Variants in CCDC73 observed in about 807,000 individuals in gnomAD.
CCDC73 encodes coiled-coil domain containing 73.
A neutral mutation model predicts 116.5 loss-of-function variants in CCDC73; 95 were observed. The ratio of observed to expected loss-of-function variants is 0.82; its 90% CI spans 0.69 to 0.97. The LOEUF is 0.97. CCDC73 is among the 50% of genes least tolerant of loss of function. CCDC73 has a pLI of 0.00. For synonymous variants in CCDC73, 398 were observed against 401.3 expected, an observed-to-expected ratio of 0.99 and a Z score of 0.10; for missense variants, 1,066 against 1,206.8, an observed-to-expected ratio of 0.88 and a Z score of 1.73.
chr11:32,608,978 C>T (rs1273987403), intron 17 of CCDC73, among the ~76,000 whole-genome samples: 7 of 152,088 alleles, frequency 4.6e-5, no homozygotes, highest in South Asian at 4.1e-4. Flanking sequence ...GCACACAGCA[C>T]GGGGACCCTG....
intron 9 of CCDC73, among the ~76,000 whole-genome samples, chr11:32,670,847 G>A (rs532855399): frequency 2.6e-5 from 4 of 152,190 alleles, no homozygotes; most frequent in South Asian, 2.1e-4. Context: ...ATAGGGAGGC[G>A]GGGAGGAGAA....
At chr11:32,740,680 G>A (rs1367809760) in intron 2 of CCDC73, among the ~76,000 whole-genome samples, 1 of 151,500 alleles carries the variant, frequency 6.6e-6, no homozygotes, top group African/African-American at 2.4e-5. Context: ...ATTTATTTCT[G>A]CTCTGATCTT....
rs138497255 is a variant in CCDC73, at chr11:32,722,258, A to G, written c.136-4111T>C. On this transcript the variant is annotated intron_variant, in intron 2 of 17. Transcript: ENST00000335185. ...ATTTTAGGCATTAACGACAAGTCAG[A>G]GAACATCTTGCAGTAGAAAAAGTGT... Among the ~76,000 whole-genome samples the G allele has an allele frequency of 1.7e-3, 259 of 152,336 alleles. 2 individuals carry two copies. The highest frequency in any genetic ancestry group is 6.0e-3 in the African/African-American group (249 of 41,588).
At chr11:32,787,949 C>G (rs1850642174) in intron 1 of CCDC73, among the ~76,000 whole-genome samples, 1 of 152,034 alleles carries the variant, frequency 6.6e-6, no homozygotes, top group Non-Finnish European at 1.5e-5. Context: ...AAGTAAAGAA[C>G]TGAAAGATCT....
chr11:32,693,101 AT>A (rs1291063774), intron 6 of CCDC73, among the ~76,000 whole-genome samples: 1 of 152,234 alleles, frequency 6.6e-6, no homozygotes, highest in African/African-American at 2.4e-5. Context: ...CTGTGTTGGA[AT>A]TCAGTAAGTA....
chr11:32,799,227 G>T (rs569127044), upstream of CCDC73, among the ~76,000 whole-genome samples: 1 of 151,984 alleles, frequency 6.6e-6, no homozygotes, highest in Non-Finnish European at 1.5e-5. Context: ...GAGTAGCTGG[G>T]ATTACAGGCC....
chr11:32,712,662 T>A (rs1183298758), intron 3 of CCDC73, among the ~76,000 whole-genome samples: 1 of 152,022 alleles, frequency 6.6e-6, no homozygotes, highest in African/African-American at 2.4e-5. Context: ...ACAATAATAC[T>A]ATTTGACAAT....
the CCDC73 span, among the ~76,000 whole-genome samples, chr11:32,802,368 A>T: frequency 6.6e-6 from 1 of 152,236 alleles, no homozygotes; most frequent in Non-Finnish European, 1.5e-5. Context: ...AATCTTAGTG[A>T]ATCAAAAATG....
At chr11:32,748,281 A>AT (rs1565092182) in intron 2 of CCDC73, among the ~76,000 whole-genome samples, 1 of 145,554 alleles carries the variant, frequency 6.9e-6, no homozygotes, top group Non-Finnish European at 1.5e-5. Flanking sequence ...CTTGCTTTTT[A>AT]TTTTTGTGCA....
At chr11:32,660,808 C>T (rs1222746762) in intron 9 of CCDC73, among the ~76,000 whole-genome samples, 1 of 152,004 alleles carries the variant, frequency 6.6e-6, no homozygotes, top group Non-Finnish European at 1.5e-5. Flanking sequence ...CCCTGGGCAA[C>T]AGAGTGAGAC....
At chr11:32,640,336 T>C (rs1227700112) in intron 13 of CCDC73, among the ~76,000 whole-genome samples, 2 of 152,176 alleles carry the variant, frequency 1.3e-5, no homozygotes, top group African/African-American at 4.8e-5. Flanking sequence ...TTTTTTTTCT[T>C]GAGAGAGGAG....
upstream of CCDC73, among the ~76,000 whole-genome samples, chr11:32,799,612 T>C (rs1382091359): frequency 1.3e-5 from 2 of 152,188 alleles, no homozygotes; most frequent in Admixed American, 6.5e-5. Flanking sequence ...TGAAAGTATG[T>C]CATTTTTACT....
the CCDC73 span, among the ~76,000 whole-genome samples, chr11:32,824,988 G>C: frequency 6.6e-6 from 1 of 152,220 alleles, no homozygotes; most frequent in African/African-American, 2.4e-5. Context: ...TGAAGGCTGA[G>C]GCAGAAGGAT....
At chr11:32,691,008 T>C (rs1856252525) in intron 6 of CCDC73, among the ~76,000 whole-genome samples, 1 of 151,984 alleles carries the variant, frequency 6.6e-6, no homozygotes, top group Admixed American at 6.6e-5. Context: ...TTCTGTACTC[T>C]GTCTTTTTAT....
intron 2 of CCDC73, among the ~76,000 whole-genome samples, chr11:32,742,754 GC>G (rs1476353860): frequency 3.3e-5 from 5 of 152,128 alleles, no homozygotes; most frequent in Non-Finnish European, 7.4e-5. Context: ...GAATGGTATT[GC>G]CCAGGTTTTC....
intron 9 of CCDC73, among the ~76,000 whole-genome samples, chr11:32,662,679 C>T (rs1157144197): frequency 6.6e-6 from 1 of 152,112 alleles, no homozygotes. Flanking sequence ...TGCGCAGAAG[C>T]TCTTTAGTTT....
chr11:32,620,654 CTGTTA>C (rs1855515646), intron 14 of CCDC73, among the ~76,000 whole-genome samples: 1 of 146,570 alleles, frequency 6.8e-6, no homozygotes, highest in African/African-American at 2.5e-5. Flanking sequence ...TGTATCACTT[CTGTTA>C]TATTTCATTC....
chr11:32,810,127 G>A, the CCDC73 span, among the ~76,000 whole-genome samples: 1 of 152,190 alleles, frequency 6.6e-6, no homozygotes, highest in Non-Finnish European at 1.5e-5. Context: ...CTTGGAATTG[G>A]AGAGGGGAAG....
At chr11:32,627,063 C>G (rs1016652935) in intron 14 of CCDC73, among the ~76,000 whole-genome samples, 1 of 152,126 alleles carries the variant, frequency 6.6e-6, no homozygotes, top group Admixed American at 6.5e-5. Context: ...TTTTTGCATT[C>G]TACTCATCTG....
Sources: allele counts gnomAD v4.1 joint callset (sites outside exome capture counted in the v4.1 genomes callset), GRCh38; gene constraint gnomAD v4.1.1; transcripts MANE v1.5; gene names NCBI Gene and HGNC (gene_info 2026-07-23, HGNC 2026-07-21).